NOP14: variants seen among roughly 807,000 people sequenced by gnomAD.
NOP14 encodes nucleolar protein 14.
A neutral mutation model predicts 101.6 loss-of-function variants in NOP14; 57 were observed. The ratio of observed to expected loss-of-function variants is 0.56; its 90% CI spans 0.45 to 0.70. The LOEUF (loss-of-function observed/expected upper bound fraction) is 0.70, where lower values mean the gene tolerates loss of function less well. Among genes scored for constraint, NOP14 ranks in the 30% least tolerant of loss-of-function variants. The pLI is 0.00. For missense variants in NOP14, 1,134 were observed against 1,075.5 expected (o/e 1.05, Z -0.76); for synonymous variants, 428 against 424.0 (o/e 1.01, Z -0.12).
intron 11 of NOP14, among the ~76,000 whole-genome samples, chr4:2,946,133 G>A (rs1210802424): frequency 7.2e-6 from 1 of 139,678 alleles, no homozygotes; most frequent in Non-Finnish European, 1.5e-5. Context: ...CCTCGCTGCC[G>A]TGCACTCACT....
chr4:2,944,135 G>A lies in NOP14; in HGVS notation c.1829C>T (p.Pro610Leu), dbSNP rs1393957189. ...EYVALSQRFI[P>L]ELINFLLGIL... The stretch of plus-strand genomic sequence containing the variant: ...CCCAAGAAGAAAATTAATAAGCTCA[G>A]GTATAAACCTCTGGGACAAAGCCAC... Residue 610 changes from proline to leucine, a missense_variant, in exon 13 of 18, where the codon CCT (proline) becomes CTT (leucine). Pro to Leu is a moderately conservative substitution (Grantham distance 98). Transcript: ENST00000416614. The A allele has an allele frequency of 3.1e-6, 5 of 1,613,884 alleles. No individual in the cohort carries two copies. Among genetic ancestry groups the A allele is most frequent in the Non-Finnish European group, 4.2e-6 (5 of 1,179,830 alleles).
At chr4:2,946,063 A>G (rs2995798) in intron 11 of NOP14, among the ~76,000 whole-genome samples, 3 of 59,330 alleles carry the variant, frequency 5.1e-5, no homozygotes, top group African/African-American at 7.5e-5. Context: ...GATCACCCTC[A>G]CTGCCGTGCA....
In NOP14 at chr4:2,942,339, A is replaced by G; in HGVS notation, c.1904T>C (p.Val635Ala). The G allele has an allele frequency of 6.2e-7, 1 of 1,613,694 alleles. No individual in the cohort carries two copies. The highest frequency in any genetic ancestry group is 8.5e-7 in the Non-Finnish European group (1 of 1,179,650). Residue 635 changes from valine (V) to alanine (A), a missense_variant, in exon 14 of 18, where the codon GTG becomes GCG. By Grantham distance (64) the Val-to-Ala change is moderately conservative. Transcript: ENST00000416614. ...PNKASQGSTL[V>A]HPFRALGKNS... ...CTTCCCAAGCGCTCTGAAAGGGTGC[A>G]CCAGAGTGGAACCTGAATTCCAAGT...
At chr4:2,958,657 C>T (rs1438845275) in intron 1 of NOP14, among the ~76,000 whole-genome samples, 1 of 152,200 alleles carries the variant, frequency 6.6e-6, no homozygotes, top group Admixed American at 6.5e-5. Flanking sequence ...TGTTCCTTGC[C>T]TTCCTCAGGG....
rs1014954393 is a variant in NOP14, at chr4:2,938,217, A to G, written c.*614T>C. 1.6e-6 allele frequency: 2 copies of G among 1,289,094 alleles called. No individual in the cohort carries two copies. The highest frequency in any genetic ancestry group is 2.3e-5 in the Admixed American group (1 of 43,484). The allele number at this position is 1,289,094 out of a possible 1,614,324, so 79.9% of individuals were successfully genotyped here. On this transcript the variant is annotated 3_prime_UTR_variant, in exon 18 of 18. Coordinates refer to ENST00000416614, the MANE Select transcript of NOP14 (RefSeq NM_001291978.2). Reference sequence around the variant, plus strand: ...GAGGTTGGAATCACACCAACATTATAGCATTATTACTCTAAAAAAAATTAC... The same window carrying G: ...GAGGTTGGAATCACACCAACATTATGGCATTATTACTCTAAAAAAAATTAC...
chr4:2,942,373 A>AATTC (rs760594011), intron 13 of NOP14, 22 bp from the exon 14 acceptor site: 1 of 1,609,306 alleles, frequency 6.2e-7, no homozygotes, highest in Non-Finnish European at 8.5e-7. Flanking sequence ...GTGCGACAGG[A>AATTC]CAGAGATGGC....
intron 1 of NOP14, among the ~76,000 whole-genome samples, chr4:2,962,468 T>C (rs940093543): frequency 1.3e-5 from 2 of 152,150 alleles, no homozygotes; most frequent in East Asian, 1.9e-4. Context: ...GCAAGTCTTA[T>C]TTACCTTTAT....
intron 1 of NOP14, among the ~76,000 whole-genome samples, chr4:2,962,671 A>G (rs1210703308): frequency 1.3e-5 from 2 of 152,182 alleles, no homozygotes; most frequent in Non-Finnish European, 2.9e-5. Context: ...TAAAAAAAAA[A>G]AAGTTAAAAA....
Position 2,938,099 on chromosome 4 carries a change from C to T in NOP14, c.*732G>A, listed in dbSNP as rs1273389031. On this transcript the variant is annotated 3_prime_UTR_variant, in exon 18 of 18. Transcript: ENST00000416614. ...CGCAGCTGATAACACACAGACCATT[C>T]CCGATCCCAGAGGTGCATTTCAGGA... 7.5e-6 allele frequency: 7 copies of T among 930,264 alleles called. No individual in the cohort carries two copies. In the East Asian group the frequency reaches 3.8e-4, roughly 50 times the overall value. 57.6% of individuals were successfully genotyped at this position (930,264 alleles called of 1,614,324 possible). A position where few individuals can be genotyped will look rare whatever the true frequency, so the allele number is the denominator to read the frequency against.
chr4:2,949,895 G>T, intron 8 of NOP14, 39 bp downstream of exon 8: 3 of 1,611,846 alleles, frequency 1.9e-6, no homozygotes. Flanking sequence ...GGTCATAAAG[G>T]TTATCCCAGA....
In NOP14 at chr4:2,938,447, G is replaced by C. The variant is rs937177416; in HGVS notation, c.*384C>G. ...AGGCAGGAGAATCGCTTGAACCCAG[G>C]AGGTGGAGGTTGTGCCATTGCACTC... On this transcript the variant is annotated 3_prime_UTR_variant, in exon 18 of 18. Coordinates refer to ENST00000416614, the MANE Select transcript of NOP14 (RefSeq NM_001291978.2). 2.0e-5 allele frequency: 7 copies of C among 349,916 alleles called. No homozygotes were observed. Among genetic ancestry groups the C allele is most frequent in the African/African-American group, 1.5e-4 (7 of 46,360 alleles). 21.7% of individuals were successfully genotyped at this position (349,916 alleles called of 1,614,324 possible). A position where few individuals can be genotyped will look rare whatever the true frequency, so the allele number is the denominator to read the frequency against.
At position 2,938,728 on chromosome 4, in the gene NOP14, G is replaced by C; in HGVS notation, c.*103C>G. The C allele has an allele frequency of 1.1e-6, 1 of 917,714 alleles. No individual in the cohort carries two copies. Among genetic ancestry groups the C allele is most frequent in the Non-Finnish European group, 1.7e-6 (1 of 590,802 alleles). 56.8% of individuals were successfully genotyped at this position (917,714 alleles called of 1,614,324 possible). On this transcript the variant is annotated 3_prime_UTR_variant, in exon 18 of 18. Transcript: ENST00000416614. ...TTCCTGTGTTGCCCAGGCTGGTCTC[G>C]AACTCCTGGGCTGAAGCAATCTTCC...
chr4:2,940,644 T>C (rs1308492560), intron 15 of NOP14: 4 of 152,220 alleles, frequency 2.6e-5, no homozygotes, highest in African/African-American at 9.7e-5. Flanking sequence ...ACGAGCCGAG[T>C]TGCTGTCCTC....
chr4:2,952,713 G>A (rs1715109630), intron 5 of NOP14, among the ~76,000 whole-genome samples: 1 of 152,164 alleles, frequency 6.6e-6, no homozygotes, highest in African/African-American at 2.4e-5. Flanking sequence ...AGGCCAAGGT[G>A]GGCAGATCAC....
chr4:2,944,143 C>A lies in NOP14; in HGVS notation c.1821G>T (p.Arg607Ser). ...LFLEYVALSQ[R>S]FIPELINFLL... is the part of the protein sequence containing the mutation. ...GAAAATTAATAAGCTCAGGTATAAA[C>A]CTCTGGGACAAAGCCACATACTCCA... The change falls in exon 13 of 18, where the codon AGG (arginine) becomes AGT (serine). Residue 607 changes from arginine to serine, a missense_variant. Coordinates refer to ENST00000416614, the MANE Select transcript of NOP14 (RefSeq NM_001291978.2). 6.2e-7 allele frequency: 1 copy of A among 1,614,026 alleles called. No homozygotes were observed. The highest frequency in any genetic ancestry group is 1.3e-5 in the African/African-American group (1 of 75,052).
chr4:2,943,188 T>G (rs931234431), intron 13 of NOP14, among the ~76,000 whole-genome samples: 2 of 152,150 alleles, frequency 1.3e-5, no homozygotes, highest in Non-Finnish European at 2.9e-5. Context: ...GGTGGCAGAA[T>G]GGGAGCACTG....
Position 2,946,520 on chromosome 4 carries a change from A to G in NOP14, c.1527T>C (p.Phe509=). 1.2e-6 allele frequency: 2 copies of G among 1,614,200 alleles called. No individual in the cohort carries two copies. The highest frequency in any genetic ancestry group is 1.7e-6 in the Non-Finnish European group (2 of 1,179,982). Residue 509 remains phenylalanine, a synonymous_variant, in exon 11 of 18, where the codon TTT becomes TTC. Transcript: ENST00000416614. ...VVHLYHLCQM[F]PESASDAIKF... Reference sequence around the variant, plus strand: ...TGATAGCGTCACTTGCAGATTCAGGAAACATCTGGCAAAGATGATATAAGT... The same window carrying G: ...TGATAGCGTCACTTGCAGATTCAGGGAACATCTGGCAAAGATGATATAAGT...
intron 2 of NOP14, among the ~76,000 whole-genome samples, chr4:2,957,394 G>C (rs1012157039): frequency 3.3e-5 from 5 of 152,250 alleles, no homozygotes; most frequent in African/African-American, 1.2e-4. Flanking sequence ...CTGCCGTGTA[G>C]TAGAGTTAAG....
At chr4:2,940,276 G>A (rs1714056543) in intron 15 of NOP14, 2 of 153,256 alleles carry the variant, frequency 1.3e-5, no homozygotes, top group Non-Finnish European at 2.9e-5. Context: ...CACTGAGGTT[G>A]GTCCTACCCG....
Sources: allele counts gnomAD v4.1 joint callset (sites outside exome capture counted in the v4.1 genomes callset), GRCh38; gene constraint gnomAD v4.1.1; transcripts MANE v1.5; gene names NCBI Gene and HGNC (gene_info 2026-07-23, HGNC 2026-07-21).